PAK1: variants seen among roughly 807,000 people sequenced by gnomAD.
PAK1 encodes serine/threonine-protein kinase PAK 1.
A neutral mutation model predicts 67.4 loss-of-function variants in PAK1; 29 were observed. The observed-to-expected ratio is 0.43, with a 90% CI of 0.32 to 0.59. The LOEUF is 0.59. Among genes scored for constraint, PAK1 ranks in the 20% least tolerant of loss-of-function variants. The pLI, the probability that PAK1 is intolerant of heterozygous loss-of-function variation, is 0.07. For missense variants in PAK1, 337 were observed against 670.7 expected (o/e 0.50, Z 5.50); for synonymous variants, 223 against 237.4 (o/e 0.94, Z 0.56).
chr11:77,508,659 C>CTTTTT, the PAK1 span, among the ~76,000 whole-genome samples: 1 of 114,772 alleles, frequency 8.7e-6, no homozygotes, highest in Non-Finnish European at 1.8e-5. Context: ...CATAGAGATT[C>CTTTTT]TTTTTTTTTT....
the PAK1 span, among the ~76,000 whole-genome samples, chr11:77,527,978 T>C: frequency 6.6e-6 from 1 of 151,870 alleles, no homozygotes; most frequent in African/African-American, 2.4e-5. Context: ...GCCTCCCAAG[T>C]AGCTGGGACT....
intron 14 of PAK1, among the ~76,000 whole-genome samples, chr11:77,325,990 C>T (rs494289): frequency 0.21 from 32,651 of 152,082 alleles, 4,657 homozygotes; most frequent in Non-Finnish European, 0.31. Flanking sequence ...TCATAATTAA[C>T]ACAGGGCAGT....
At chr11:77,397,842 A>C (rs1393035355) in intron 1 of PAK1, among the ~76,000 whole-genome samples, 1 of 152,212 alleles carries the variant, frequency 6.6e-6, no homozygotes, top group Admixed American at 6.5e-5. Context: ...AGGAATACTG[A>C]AGTCCAGAGT....
At chr11:77,467,824 TAA>T (rs1251349130) in intron 1 of PAK1, among the ~76,000 whole-genome samples, 1 of 152,248 alleles carries the variant, frequency 6.6e-6, no homozygotes, top group African/African-American at 2.4e-5. Context: ...GAGATTTAAA[TAA>T]GTGTCCAAGT....
intron 1 of PAK1, among the ~76,000 whole-genome samples, chr11:77,445,335 C>T (rs1956550643): frequency 6.6e-6 from 1 of 152,196 alleles, no homozygotes; most frequent in Non-Finnish European, 1.5e-5. Flanking sequence ...CTAAGTCACC[C>T]AATCTGTGGT....
chr11:77,336,194 A>T lies in PAK1; in HGVS notation c.1305T>A (p.Val435=). The T allele has an allele frequency of 3.7e-6, 6 of 1,613,966 alleles. No individual in the cohort carries two copies. The highest frequency in any genetic ancestry group is 5.1e-6 in the Non-Finnish European group (6 of 1,179,814). The stretch of plus-strand genomic sequence containing the variant: ...TGGGCCCATAGGCCTTTCGTGTCAC[A>T]ACCTCTGGTGCCATCCAGTATGGGG... The part of the protein sequence containing the change: ...VGTPYWMAPE[V]VTRKAYGPKV... The change falls in exon 13 of 15, where the codon GTT becomes GTA. Residue 435 remains valine, a synonymous_variant. Coordinates refer to ENST00000356341, the MANE Select transcript of PAK1 (RefSeq NM_002576.5).
the PAK1 span, among the ~76,000 whole-genome samples, chr11:77,518,520 TG>T: frequency 6.6e-6 from 1 of 152,200 alleles, no homozygotes; most frequent in African/African-American, 2.4e-5. Flanking sequence ...GTAATTAGTA[TG>T]TTTTTTATGC....
intron 10 of PAK1, among the ~76,000 whole-genome samples, chr11:77,341,530 A>T (rs1040315979): frequency 2.6e-5 from 4 of 152,204 alleles, no homozygotes; most frequent in African/African-American, 9.6e-5. Flanking sequence ...GACATGAGTT[A>T]GAAGTGATAG....
chr11:77,335,680 C>G (rs1395363345), intron 13 of PAK1, among the ~76,000 whole-genome samples: 1 of 152,116 alleles, frequency 6.6e-6, no homozygotes, highest in Non-Finnish European at 1.5e-5. Context: ...CTCCTCAGCT[C>G]AAAACCCTCT....
At chr11:77,451,566 T>C (rs1372501439) in intron 1 of PAK1, among the ~76,000 whole-genome samples, 1 of 152,140 alleles carries the variant, frequency 6.6e-6, no homozygotes, top group Non-Finnish European at 1.5e-5. Context: ...ATTAAATATA[T>C]TTGCTTGCTT....
At position 77,349,262 on chromosome 11, in the gene PAK1, T is replaced by C. The variant is rs1433026893; in HGVS notation, c.862A>G (p.Met288Val). The change falls in exon 9 of 15, where the codon ATG becomes GTG. Residue 288 changes from methionine to valine, a missense_variant. By Grantham distance (21) the Met-to-Val change is conservative. Around this residue, in one of 8 missense-constraint regions of PAK1, gnomAD observed 150 missense variants for 179.0 expected, o/e 0.84. Transcript: ENST00000356341. Reference sequence around the variant, plus strand: ...ACCTCCTGTCCTGTGGCCACATCCATTGCTGTGTACACGGTGCCTGAAGCA... The same window carrying C: ...ACCTCCTGTCCTGTGGCCACATCCACTGCTGTGTACACGGTGCCTGAAGCA... The part of the protein sequence containing the change: ...QGASGTVYTA[M>V]DVATGQEVAI... The C allele has an allele frequency of 1.9e-6, 3 of 1,601,072 alleles. No individual in the cohort carries two copies. The highest frequency in any genetic ancestry group is 2.6e-6 in the Non-Finnish European group (3 of 1,173,140).
At chr11:77,522,702 C>G in the PAK1 span, among the ~76,000 whole-genome samples, 1 of 152,262 alleles carries the variant, frequency 6.6e-6, no homozygotes, top group South Asian at 2.1e-4. Flanking sequence ...TCATTTGACC[C>G]AGAAATCCTA....
At chr11:77,524,306 A>C in the PAK1 span, among the ~76,000 whole-genome samples, 1 of 152,056 alleles carries the variant, frequency 6.6e-6, no homozygotes, top group South Asian at 2.1e-4. Context: ...ACATACTTTA[A>C]ATTTCAGCCA....
chr11:77,351,851 A>C (rs1945293331), intron 8 of PAK1, among the ~76,000 whole-genome samples: 1 of 150,966 alleles, frequency 6.6e-6, no homozygotes, highest in African/African-American at 2.4e-5. Context: ...TTTTAATTTT[A>C]TCTCTTTTGG....
chr11:77,458,266 AT>A (rs1957167420), intron 1 of PAK1, among the ~76,000 whole-genome samples: 1 of 152,222 alleles, frequency 6.6e-6, no homozygotes, highest in Non-Finnish European at 1.5e-5. Flanking sequence ...CACAAAGTTA[AT>A]TCTTAGAACA....
intron 2 of PAK1, among the ~76,000 whole-genome samples, chr11:77,386,356 C>A (rs555266194): frequency 6.6e-6 from 1 of 152,182 alleles, no homozygotes; most frequent in African/African-American, 2.4e-5. Context: ...CTAAACTCTT[C>A]CCAAGCTCAG....
chr11:77,465,989 C>A (rs1489864113), intron 1 of PAK1, among the ~76,000 whole-genome samples: 1 of 152,136 alleles, frequency 6.6e-6, no homozygotes, highest in Non-Finnish European at 1.5e-5. Flanking sequence ...AATTCTCTAA[C>A]AGGTAATTGG....
chr11:77,448,534 CAGG>C (rs1449590728), intron 1 of PAK1, among the ~76,000 whole-genome samples: 1 of 152,150 alleles, frequency 6.6e-6, no homozygotes, highest in Non-Finnish European at 1.5e-5. Flanking sequence ...CTGCCTGGCA[CAGG>C]AGGACAATGT....
In PAK1 at chr11:77,473,881, G is replaced by C. The variant is rs879279675; in HGVS notation, c.-351C>G. 2 of 152,408 alleles carry C rather than the reference G, an allele frequency of 1.3e-5. No homozygotes were observed. The highest frequency in any genetic ancestry group is 1.3e-4 in the Admixed American group (2 of 15,280). 9.4% of individuals were successfully genotyped at this position (152,408 alleles called of 1,614,324 possible). ...GTTCCTCGAGGGGGCTCACGAAAGC[G>C]CGGGGCTCCGTGGAAAAGGGAATGA... On this transcript the variant is annotated 5_prime_UTR_variant, in exon 1 of 15. Transcript: ENST00000356341.
Sources: allele counts gnomAD v4.1 joint callset (sites outside exome capture counted in the v4.1 genomes callset), GRCh38; gene constraint gnomAD v4.1.1; regional missense constraint gnomAD v4.1.1; transcripts MANE v1.5; gene names NCBI Gene and HGNC (gene_info 2026-07-23, HGNC 2026-07-21).